The following SASH1 variants were observed in gnomAD, a reference collection of about 807,000 sequenced individuals.
The protein encoded by SASH1 is SAM and SH3 domain containing 1, also known as SAM and SH3 domain-containing protein 1.
Under a neutral mutation model 125.2 loss-of-function variants are expected in SASH1, and 44 were observed. The observed-to-expected ratio is 0.35, with a 90% confidence interval of 0.28 to 0.45. The LOEUF is 0.45. Among genes scored for constraint, SASH1 ranks in the 20% least tolerant of loss-of-function variants. The pLI is 1.00. For synonymous variants in SASH1, 639 were observed against 649.1 expected (o/e 0.98, Z 0.24); for missense variants, 1,426 against 1,614.5 (o/e 0.88, Z 2.00).
chr6:148,525,287 ACAGAG>A lies in SASH1; in HGVS notation c.1210-3_1211del. On this transcript the variant is annotated splice_acceptor_variant and splice_polypyrimidine_tract_variant and coding_sequence_variant and intron_variant, in exon 11 of 20. Coordinates refer to ENST00000367467, the MANE Select transcript of SASH1 (RefSeq NM_015278.5). LOFTEE classifies it high-confidence loss of function. ...GTTTTTCTGCCCTACCCTCTTTTCC[ACAGAG>A]AACCTGCAGTTTTGGAGGATTTGAC... The A allele has an allele frequency of 6.2e-7, 1 of 1,613,758 alleles. No homozygotes were observed. Among genetic ancestry groups the A allele is most frequent in the African/African-American group, 1.3e-5 (1 of 75,000 alleles).
intron 1 of SASH1, among the ~76,000 whole-genome samples, chr6:148,353,434 GA>G (rs1256799559): frequency 4.0e-5 from 4 of 99,300 alleles, no homozygotes; most frequent in East Asian, 2.9e-4. Context: ...ATTTAAGATT[GA>G]TTTTTTTTTT....
chr6:148,378,478 C>G (rs1783001895), intron 1 of SASH1, among the ~76,000 whole-genome samples: 1 of 152,166 alleles, frequency 6.6e-6, no homozygotes, highest in Non-Finnish European at 1.5e-5. Context: ...CCTCAGCTTC[C>G]TGAGTAGCTG....
chr6:148,527,993 G>A (rs868024542), intron 12 of SASH1, among the ~76,000 whole-genome samples: 3 of 141,448 alleles, frequency 2.1e-5, no homozygotes, highest in South Asian at 2.3e-4. Context: ...TTTTTTGGGG[G>A]GGGGGGTGGC....
intron 1 of SASH1, among the ~76,000 whole-genome samples, chr6:148,307,106 G>C (rs1174655765): frequency 3.2e-4 from 37 of 117,152 alleles, no homozygotes; most frequent in African/African-American, 1.2e-3. Context: ...CTCTCTCTCT[G>C]TCTCTTTCTT....
At position 148,532,789 on chromosome 6, in the gene SASH1, C is replaced by G; in HGVS notation, c.1565-8C>G. 1 of 1,614,104 alleles carries G rather than the reference C, an allele frequency of 6.2e-7. No homozygotes were observed. The highest frequency in any genetic ancestry group is 1.1e-5 in the South Asian group (1 of 91,086). On this transcript the variant is annotated splice_polypyrimidine_tract_variant and splice_region_variant and intron_variant, in intron 13 of 19. Transcript: ENST00000367467. The surrounding 1 kb of genome is among the most constrained non-coding windows in gnomAD (Gnocchi z 4.7). ...TCTACCCGTGTTCTTCCTATGTTTC[C>G]TGTACAGGCGGTCAAACAGTGAGCA...
At chr6:148,205,955 C>T in the SASH1 span, among the ~76,000 whole-genome samples, 4 of 152,142 alleles carry the variant, frequency 2.6e-5, no homozygotes, top group Non-Finnish European at 4.4e-5. Context: ...GGTTCCTTCC[C>T]GGTTTGCCTA....
At chr6:148,510,381 G>A (rs1391049254) in intron 8 of SASH1, among the ~76,000 whole-genome samples, 1 of 152,198 alleles carries the variant, frequency 6.6e-6, no homozygotes, top group Non-Finnish European at 1.5e-5. Flanking sequence ...TCACTGAGAA[G>A]ATGATCTGTT....
intron 1 of SASH1, among the ~76,000 whole-genome samples, chr6:148,332,658 A>T (rs1453742052): frequency 6.6e-6 from 1 of 151,782 alleles, no homozygotes; most frequent in Non-Finnish European, 1.5e-5. Flanking sequence ...CACTTGTCTC[A>T]TGGTAAGTTA....
chr6:148,470,219 G>A (rs925104191), intron 5 of SASH1, among the ~76,000 whole-genome samples: 6 of 152,156 alleles, frequency 3.9e-5, no homozygotes, highest in South Asian at 4.1e-4. Flanking sequence ...TGTCTTTGGC[G>A]GAAAGGCTCG....
intron 1 of SASH1, among the ~76,000 whole-genome samples, chr6:148,348,522 T>C (rs1020906015): frequency 6.6e-6 from 1 of 152,186 alleles, no homozygotes; most frequent in African/African-American, 2.4e-5. Context: ...GAGGCAGTGC[T>C]CCTGTGTAGA....
chr6:148,349,075 C>T (rs1033040607), intron 1 of SASH1, among the ~76,000 whole-genome samples: 5 of 151,890 alleles, frequency 3.3e-5, no homozygotes, highest in Non-Finnish European at 7.4e-5. Flanking sequence ...CGAGGTGGGC[C>T]CTTCCCCACA....
rs982981666 is a variant in SASH1, at chr6:148,519,878, G to C, written c.1194G>C (p.Gly398=). The change falls in exon 10 of 20, where the codon GGG becomes GGC. Residue 398 remains glycine (G), a synonymous_variant. Coordinates refer to ENST00000367467, the MANE Select transcript of SASH1 (RefSeq NM_015278.5). The surrounding 1 kb of genome is among the most constrained non-coding windows in gnomAD (Gnocchi z 4.8). ...AGGGGGAGATGAAGAAGGGTCTCGG[G>C]TCCCTAAGCCACGGGGTAAGTACGG... ...LTEGEMKKGL[G]SLSHGRTCSF... is the part of the protein sequence containing the mutation. 3.8e-6 allele frequency: 6 copies of C among 1,576,022 alleles called. No individual in the cohort carries two copies. The African/African-American group carries it at 6.8e-5, about 18-fold the overall frequency.
At chr6:148,431,868 C>T (rs1248957832) in intron 2 of SASH1, among the ~76,000 whole-genome samples, 3 of 151,704 alleles carry the variant, frequency 2.0e-5, no homozygotes, top group Non-Finnish European at 2.9e-5. Flanking sequence ...AAAGGGGCCT[C>T]CTTTAAAAGG....
At chr6:148,271,141 C>T (rs1484652655), upstream of SASH1, among the ~76,000 whole-genome samples, 2 of 152,192 alleles carry the variant, frequency 1.3e-5, no homozygotes, top group Non-Finnish European at 2.9e-5. Context: ...AACTCCTGAC[C>T]TCAGGTGATC....
chr6:148,202,915 T>C, the SASH1 span, among the ~76,000 whole-genome samples: 2 of 151,868 alleles, frequency 1.3e-5, no homozygotes, highest in African/African-American at 4.8e-5. Flanking sequence ...GATTGTGCCA[T>C]TACACTCCAG....
intron 5 of SASH1, chr6:148,468,823 A>G (rs1777968411): frequency 7.7e-6 from 3 of 387,292 alleles, no homozygotes; most frequent in East Asian, 4.4e-5. Context: ...GCATTTTCCC[A>G]TGACTGAATA....
In SASH1 at chr6:148,549,347, GTTT is replaced by G. The variant is rs1782759725; in HGVS notation, c.*792_*794del. 1 of 338,268 alleles carries G rather than the reference GTTT, an allele frequency of 3.0e-6. No homozygotes were observed. The highest frequency in any genetic ancestry group is 2.1e-5 in the African/African-American group (1 of 47,458). 21.0% of individuals were successfully genotyped at this position (338,268 alleles called of 1,614,324 possible). A position where few individuals can be genotyped will look rare whatever the true frequency, so the allele number is the denominator to read the frequency against. On this transcript the variant is annotated 3_prime_UTR_variant, in exon 20 of 20. Transcript: ENST00000367467. ...GCCACACACTTCATGTTGGTTTTTG[GTTT>G]TTAAGCTAACTACAAATCTAGTAAA...
chr6:148,408,744 A>G (rs556497177), intron 2 of SASH1, among the ~76,000 whole-genome samples: 4 of 152,278 alleles, frequency 2.6e-5, no homozygotes, highest in African/African-American at 9.6e-5. Flanking sequence ...TCATTGCCAA[A>G]TCCAGTGTTG....
chr6:148,503,752 C>T (rs1454002418), intron 8 of SASH1, among the ~76,000 whole-genome samples: 1 of 116,986 alleles, frequency 8.5e-6, no homozygotes, highest in Admixed American at 8.9e-5. Flanking sequence ...AAAGATAACC[C>T]TTTCTTGTAA....
Sources: gnomAD v4.1 joint callset for allele counts (sites outside exome capture counted in the v4.1 genomes callset) on GRCh38, gnomAD v4.1.1 for gene constraint, Gnocchi (gnomAD v3.1) non-coding constraint, MANE v1.5 for transcripts, NCBI Gene and HGNC (gene_info 2026-07-23, HGNC 2026-07-21) for gene names.